The following KIAA0319L variants were observed in gnomAD, a reference collection of about 807,000 sequenced individuals.
KIAA0319L encodes dyslexia-associated protein KIAA0319-like protein.
In KIAA0319L, 55 loss-of-function variants were observed where a neutral mutation model predicts 120.1. The observed-to-expected ratio is 0.46, with a 90% CI of 0.37 to 0.57. The LOEUF (loss-of-function observed/expected upper bound fraction) is 0.57, where lower values mean the gene tolerates loss of function less well. KIAA0319L is among the 20% of genes least tolerant of loss of function. KIAA0319L has a pLI of 0.00. For missense variants in KIAA0319L, 1,049 were observed against 1,255.3 expected, an observed-to-expected ratio of 0.84 and a Z score of 2.48; for synonymous variants, 398 against 471.9, an observed-to-expected ratio of 0.84 and a Z score of 2.03.
At chr1:35,475,699 A>G (rs940234850) in intron 4 of KIAA0319L, among the ~76,000 whole-genome samples, 1 of 152,078 alleles carries the variant, frequency 6.6e-6, no homozygotes, top group Admixed American at 6.6e-5. Context: ...ACTCCAATCT[A>G]TTCTGTCTTC....
intron 2 of KIAA0319L, among the ~76,000 whole-genome samples, chr1:35,513,840 A>T (rs1326508636): frequency 6.6e-6 from 1 of 152,164 alleles, no homozygotes; most frequent in Non-Finnish European, 1.5e-5. Context: ...TGTGAGAGTG[A>T]TGTCTTTAAC....
chr1:35,496,066 G>A (rs889609020), intron 3 of KIAA0319L, among the ~76,000 whole-genome samples: 1 of 152,160 alleles, frequency 6.6e-6, no homozygotes. Flanking sequence ...TCACGGAAAT[G>A]TAAAATGGTA....
intron 20 of KIAA0319L, among the ~76,000 whole-genome samples, chr1:35,435,803 G>A (rs1200922643): frequency 3.3e-5 from 5 of 152,200 alleles, no homozygotes; most frequent in South Asian, 2.1e-4. Context: ...TATAGATGCC[G>A]AGCGGCCACA....
chr1:35,499,104 AG>A (rs942133474), intron 3 of KIAA0319L, among the ~76,000 whole-genome samples: 132 of 152,340 alleles, frequency 8.7e-4, no homozygotes, highest in African/African-American at 3.1e-3. Context: ...TCCACTAAAT[AG>A]GAAAGAGAGG....
rs931073293 is a variant in KIAA0319L, at chr1:35,494,474, A to C, written c.666+12138T>G. On this transcript the variant is annotated intron_variant, in intron 3 of 20. Coordinates refer to ENST00000325722, the MANE Select transcript of KIAA0319L (RefSeq NM_024874.5). ...AAAAAATAAATAAATAAAAATAAAA[A>C]ATAAAATAAAATAAACATATATTAC... is the stretch of plus-strand genomic sequence containing the variant. Among the ~76,000 whole-genome samples, 4 of 152,006 alleles carry C rather than the reference A, an allele frequency of 2.6e-5. No homozygotes were observed. In the East Asian group the frequency reaches 7.7e-4, roughly 29 times the overall value.
At chr1:35,444,041 G>A (rs1641428169) in intron 17 of KIAA0319L, 120 bp downstream of exon 17, 8 of 871,388 alleles carry the variant, frequency 9.2e-6, no homozygotes, top group Non-Finnish European at 1.4e-5. Context: ...AGTAGTGCAA[G>A]AGAATGATTA....
At chr1:35,451,588 C>A in intron 13 of KIAA0319L, 40 bp downstream of exon 13, 1 of 1,594,868 alleles carries the variant, frequency 6.3e-7, no homozygotes, top group South Asian at 1.1e-5. Context: ...AGCTATCTGA[C>A]CCTAAGAGGC....
rs763713570 is a variant in KIAA0319L, at chr1:35,456,246, C to A, written c.1428-5G>T. On this transcript the variant is annotated splice_polypyrimidine_tract_variant and splice_region_variant and intron_variant, in intron 9 of 20. Transcript: ENST00000325722. ...TCAGAGTCTACTACAGTCAAGCTATCAGGGCAGAGAGAGGAGTGTGATCAG... is the reference window on the plus strand; with the variant it reads ...TCAGAGTCTACTACAGTCAAGCTATAAGGGCAGAGAGAGGAGTGTGATCAG... 2 of 1,547,042 alleles carry A rather than the reference C, an allele frequency of 1.3e-6. No homozygotes were observed. The highest frequency in any genetic ancestry group is 1.8e-6 in the Non-Finnish European group (2 of 1,138,348).
chr1:35,463,155 T>G (rs1300892293), intron 7 of KIAA0319L, among the ~76,000 whole-genome samples: 1 of 152,182 alleles, frequency 6.6e-6, no homozygotes. Flanking sequence ...GCCTTGGGGC[T>G]GGGGACCCCT....
chr1:35,461,363 G>A (rs1642876242), intron 8 of KIAA0319L, among the ~76,000 whole-genome samples: 1 of 152,154 alleles, frequency 6.6e-6, no homozygotes, highest in South Asian at 2.1e-4. Context: ...TTACTCAGGT[G>A]GCTGAGGCAG....
intron 3 of KIAA0319L, among the ~76,000 whole-genome samples, chr1:35,502,324 A>G (rs555886450): frequency 9.2e-5 from 14 of 152,108 alleles, no homozygotes; most frequent in African/African-American, 2.9e-4. Context: ...AGTAATTCAC[A>G]AGATTTGCTG....
At chr1:35,460,875 A>G (rs1335399196) in intron 8 of KIAA0319L, among the ~76,000 whole-genome samples, 1 of 152,238 alleles carries the variant, frequency 6.6e-6, no homozygotes, top group African/African-American at 2.4e-5. Context: ...TGGTATAAGC[A>G]TAAACTGACA....
intron 1 of KIAA0319L, chr1:35,556,364 T>C (rs1258214028): frequency 6.6e-6 from 1 of 152,262 alleles, no homozygotes; most frequent in Non-Finnish European, 1.5e-5. Context: ...TGAACAACGA[T>C]GGAGCACGTC....
At chr1:35,527,599 G>C (rs1336515306) in intron 2 of KIAA0319L, among the ~76,000 whole-genome samples, 1 of 152,030 alleles carries the variant, frequency 6.6e-6, no homozygotes. Context: ...GTCTGTTCAG[G>C]TTTTCCATTT....
At chr1:35,493,132 G>T (rs763754713) in intron 3 of KIAA0319L, among the ~76,000 whole-genome samples, 1 of 152,122 alleles carries the variant, frequency 6.6e-6, no homozygotes, top group Non-Finnish European at 1.5e-5. Flanking sequence ...ATTATATATA[G>T]AGAAAATCCT....
At chr1:35,436,073 GCAC>G (rs145446115) in intron 20 of KIAA0319L, among the ~76,000 whole-genome samples, 3,247 of 152,228 alleles carry the variant, frequency 0.021, 104 homozygotes, top group African/African-American at 0.073. Flanking sequence ...GCCCTCTCCA[GCAC>G]CACAATCTCA....
chr1:35,454,243 C>G, intron 11 of KIAA0319L, 119 bp downstream of exon 11: 1 of 973,854 alleles, frequency 1.0e-6, no homozygotes, highest in Non-Finnish European at 1.6e-6. Context: ...TCACCAGAGG[C>G]TCTATGGATC....
In KIAA0319L at chr1:35,553,710, TGAAAGAAAGAAAGAAA is replaced by T. The variant is rs35935761; in HGVS notation, c.142+624_142+639del. On this transcript the variant is annotated intron_variant, in intron 2 of 20. Coordinates refer to ENST00000325722, the MANE Select transcript of KIAA0319L (RefSeq NM_024874.5). ...AAAGCACAATATCAACAAAAGAACT[TGAAAGAAAGAAAGAAA>T]GAAAGAAAGAAAGAAAGGGCATTCT... is the stretch of plus-strand genomic sequence containing the variant. Among the ~76,000 whole-genome samples, 655 of 149,078 alleles carry T rather than the reference TGAAAGAAAGAAAGAAA, an allele frequency of 4.4e-3. 3 individuals carry two copies. The highest frequency in any genetic ancestry group is 6.9e-3 in the Non-Finnish European group (460 of 66,716).
At chr1:35,552,964 G>A (rs956181776) in intron 2 of KIAA0319L, among the ~76,000 whole-genome samples, 1 of 152,120 alleles carries the variant, frequency 6.6e-6, no homozygotes, top group Non-Finnish European at 1.5e-5. Flanking sequence ...GTGTGCGCCT[G>A]TAATTCCAGC....
Sources: allele counts gnomAD v4.1 joint callset (sites outside exome capture counted in the v4.1 genomes callset), GRCh38; gene constraint gnomAD v4.1.1; transcripts MANE v1.5; gene names NCBI Gene and HGNC (gene_info 2026-07-23, HGNC 2026-07-21).